Variants in MEGF9 observed in about 807,000 individuals in gnomAD.
MEGF9 encodes the protein multiple epidermal growth factor-like domains protein 9.
Under a neutral mutation model 46.8 loss-of-function variants are expected in MEGF9, and 6 were observed. That is an observed-to-expected ratio of 0.13 (90% CI 0.07 to 0.25). The LOEUF (loss-of-function observed/expected upper bound fraction) is 0.25, where lower values mean the gene tolerates loss of function less well. MEGF9 is among the 10% of genes least tolerant of loss of function. The pLI, the probability that MEGF9 is intolerant of heterozygous loss-of-function variation, is 1.00. For missense variants in MEGF9, 683 were observed against 792.4 expected (o/e 0.86, Z 1.66); for synonymous variants, 302 against 330.7 (o/e 0.91, Z 0.94).
At chr9:120,628,993 T>C (rs746869651) in intron 2 of MEGF9, among the ~76,000 whole-genome samples, 45 of 152,128 alleles carry the variant, frequency 3.0e-4, no homozygotes, top group Non-Finnish European at 5.9e-4. Context: ...TTTTGTTTTT[T>C]GATACAGGGT....
At chr9:120,637,217 G>A (rs922670046) in intron 2 of MEGF9, among the ~76,000 whole-genome samples, 1 of 152,080 alleles carries the variant, frequency 6.6e-6, no homozygotes, top group Non-Finnish European at 1.5e-5. Flanking sequence ...ACAGATGCTT[G>A]AAGGCAGCAT....
intron 2 of MEGF9, among the ~76,000 whole-genome samples, chr9:120,640,750 T>C (rs964646032): frequency 6.6e-6 from 1 of 152,214 alleles, no homozygotes; most frequent in African/African-American, 2.4e-5. Context: ...GGGCTACATA[T>C]GCAGGTTGGT....
intron 1 of MEGF9, among the ~76,000 whole-genome samples, chr9:120,712,572 G>A (rs2132349097): frequency 2.0e-5 from 3 of 152,264 alleles, no homozygotes; most frequent in Middle Eastern, 6.8e-3. Context: ...TGCACACTTG[G>A]CTTTTTATGG....
chr9:120,652,555 G>C (rs575304718), intron 2 of MEGF9, among the ~76,000 whole-genome samples: 2 of 145,086 alleles, frequency 1.4e-5, no homozygotes, highest in East Asian at 4.2e-4. Context: ...GAGAGTTATT[G>C]AGCTGAATCT....
rs1433033314 is a variant in MEGF9, at chr9:120,652,196, A to C, written c.803+7178T>G. Among the ~76,000 whole-genome samples the C allele has an allele frequency of 6.2e-5, 9 of 144,254 alleles. 1 individual carries two copies. Among genetic ancestry groups the C allele is most frequent in the African/African-American group, 2.3e-4 (9 of 39,416 alleles). 94.6% of individuals were successfully genotyped at this position (144,254 alleles called of 152,430 possible). On this transcript the variant is annotated intron_variant, in intron 2 of 5. Coordinates refer to ENST00000373930, the MANE Select transcript of MEGF9 (RefSeq NM_001080497.3). ...CACACACACACAAAAAAAAAAAAAA[A>C]AAAAACAGGTCAGGCATGGTGGCTC... is the stretch of plus-strand genomic sequence containing the variant.
intron 3 of MEGF9, among the ~76,000 whole-genome samples, 199 bp downstream of exon 3, chr9:120,622,417 C>CTTTTTTTTTTTTTTTTTTTTTTTTTTT (rs59380409): frequency 9.9e-6 from 1 of 101,196 alleles, no homozygotes; most frequent in Non-Finnish European, 2.0e-5. Flanking sequence ...AGGTATATGA[C>CTTTTTTTTTTTTTTTTTTTTTTTTTTT]TTTTTTTTTT....
At chr9:120,626,115 T>C (rs1981021) in intron 2 of MEGF9, among the ~76,000 whole-genome samples, 2 of 151,966 alleles carry the variant, frequency 1.3e-5, no homozygotes, top group Admixed American at 6.6e-5. Flanking sequence ...AATAAATGTG[T>C]AGAACTGGAT....
rs543499717 is a variant in MEGF9 at position 120,609,185 on chromosome 9, C to G, written c.1088-1175G>C. The stretch of plus-strand genomic sequence containing the variant: ...CTCTTCACTTCACACTCCACCACCC[C>G]CTAAGGTTCAGGCACATTAAATGGC... On this transcript the variant is annotated intron_variant, in intron 4 of 5. Transcript: ENST00000373930. Among the ~76,000 whole-genome samples the G allele has an allele frequency of 5.3e-5, 8 of 152,288 alleles. 1 individual carries two copies. In the South Asian group the frequency reaches 1.0e-3, roughly 20 times the overall value.
intron 2 of MEGF9, among the ~76,000 whole-genome samples, chr9:120,634,761 C>T (rs1225587238): frequency 6.6e-6 from 1 of 152,134 alleles, no homozygotes; most frequent in African/African-American, 2.4e-5. Flanking sequence ...TTACTGCTGA[C>T]ATTTTGTTAA....
At chr9:120,693,919 T>C (rs1463384588) in intron 1 of MEGF9, among the ~76,000 whole-genome samples, 1 of 148,854 alleles carries the variant, frequency 6.7e-6, no homozygotes, top group African/African-American at 2.6e-5. Context: ...ACAAATCAAT[T>C]AGGCTAAAAA....
At chr9:120,662,932 C>T (rs533829140) in intron 1 of MEGF9, among the ~76,000 whole-genome samples, 2 of 152,310 alleles carry the variant, frequency 1.3e-5, no homozygotes, top group South Asian at 4.1e-4. Context: ...TACCAGGCTC[C>T]ACTCATTAAC....
intron 1 of MEGF9, among the ~76,000 whole-genome samples, chr9:120,689,299 C>T (rs982110333): frequency 2.0e-5 from 3 of 152,050 alleles, no homozygotes; most frequent in African/African-American, 7.2e-5. Flanking sequence ...GTAACAACAT[C>T]AAGGCAAAAG....
At position 120,622,513 on chromosome 9, in the gene MEGF9, G is replaced by A. The variant is rs2043504655; in HGVS notation, c.943+103C>T. ...TAGTACATCCTACTTAGAAGATAAA[G>A]GCCCTTCCAAACTATTTCAGAAGAA... is the stretch of plus-strand genomic sequence containing the variant. On this transcript the variant is annotated intron_variant, in intron 3 of 5. Transcript: ENST00000373930. 3 of 1,220,860 alleles carry A rather than the reference G, an allele frequency of 2.5e-6. No homozygotes were observed. In the East Asian group the frequency reaches 7.9e-5, roughly 32 times the overall value. 75.6% of individuals were successfully genotyped at this position (1,220,860 alleles called of 1,614,324 possible).
At chr9:120,610,855 A>G (rs183323790) in intron 4 of MEGF9, among the ~76,000 whole-genome samples, 1 of 152,308 alleles carries the variant, frequency 6.6e-6, no homozygotes, top group Admixed American at 6.5e-5. Flanking sequence ...ATATTTATAA[A>G]TCATATATCT....
intron 2 of MEGF9, among the ~76,000 whole-genome samples, chr9:120,626,628 A>G (rs977843793): frequency 6.6e-6 from 1 of 152,182 alleles, no homozygotes; most frequent in Non-Finnish European, 1.5e-5. Context: ...TGGGTGGAGA[A>G]GCTTCAGAAT....
chr9:120,618,795 G>C lies in MEGF9; in HGVS notation c.943+3821C>G, dbSNP rs532720143. On this transcript the variant is annotated intron_variant, in intron 3 of 5. Coordinates refer to ENST00000373930, the MANE Select transcript of MEGF9 (RefSeq NM_001080497.3). ...GGCGCCTGTAATCCCAGCTACTTGG[G>C]AGGCTGAAGCAGAAGAATCGCTTGA... Among the ~76,000 whole-genome samples, 110 of 151,916 alleles carry C rather than the reference G, an allele frequency of 7.2e-4. 1 individual carries two copies. The highest frequency in any genetic ancestry group is 2.6e-3 in the African/African-American group (107 of 41,438).
At chr9:120,645,996 G>A (rs180759318) in intron 2 of MEGF9, among the ~76,000 whole-genome samples, 2 of 152,200 alleles carry the variant, frequency 1.3e-5, no homozygotes, top group Non-Finnish European at 2.9e-5. Flanking sequence ...ACAGGGAGAG[G>A]GTGTGGGCCT....
rs544595023 is a variant in MEGF9 at position 120,605,714 on chromosome 9, G to A, written c.1358-73C>T. 105 of 1,074,586 alleles carry A rather than the reference G, an allele frequency of 9.8e-5. No individual in the cohort carries two copies. In the South Asian group the frequency reaches 1.4e-3, roughly 14 times the overall value. The allele number at this position is 1,074,586 out of a possible 1,614,324, so 66.6% of individuals were successfully genotyped here. ...TTTTGAGAAACAATAAAAGAAATAC[G>A]CATGGGAGTGAATGTTGATGTAGGA... On this transcript the variant is annotated intron_variant, in intron 5 of 5. Transcript: ENST00000373930. This position sits in a 1 kb window ranked among gnomAD's most constrained non-coding sequence, Gnocchi z 4.0.
intron 1 of MEGF9, among the ~76,000 whole-genome samples, chr9:120,663,769 G>A (rs190945854): frequency 6.6e-6 from 1 of 152,252 alleles, no homozygotes; most frequent in Admixed American, 6.5e-5. Context: ...GTGAGTAGCA[G>A]GTTTCCTTTC....
Sources: allele counts gnomAD v4.1 joint callset (sites outside exome capture counted in the v4.1 genomes callset), GRCh38; gene constraint gnomAD v4.1.1; non-coding constraint Gnocchi (gnomAD v3.1); transcripts MANE v1.5; gene names NCBI Gene and HGNC (gene_info 2026-07-23, HGNC 2026-07-21).